The following CDKL4 variants were observed in gnomAD, a reference collection of about 807,000 sequenced individuals.
CDKL4 encodes the protein cyclin dependent kinase like 4.
CDKL4 carries 44 observed loss-of-function variants against 42.0 expected under a neutral mutation model. The observed-to-expected ratio is 1.05, with a 90% confidence interval of 0.82 to 1.35. CDKL4 has a LOEUF of 1.35. CDKL4 is among the 40% of genes most tolerant of loss of function. The probability of loss-of-function intolerance (pLI) is 0.00; values close to 1 mark genes in which losing one functional copy is unlikely to be tolerated. For synonymous variants in CDKL4, 120 were observed against 121.6 expected (o/e 0.99, Z 0.09); for missense variants, 393 against 369.9 (o/e 1.06, Z -0.51).
At chr2:39,184,022 G>C (rs181117130) in intron 8 of CDKL4, among the ~76,000 whole-genome samples, 1 of 152,304 alleles carries the variant, frequency 6.6e-6, no homozygotes, top group East Asian at 1.9e-4. Context: ...ACATGCCAAG[G>C]TCCCACTCAT....
intron 8 of CDKL4, among the ~76,000 whole-genome samples, chr2:39,179,680 C>T (rs1022509926): frequency 3.9e-5 from 6 of 152,150 alleles, no homozygotes; most frequent in African/African-American, 9.7e-5. Flanking sequence ...CCTAGAAATG[C>T]GAAGTCTTGG....
At chr2:39,242,738 A>G (rs1679721839) in intron 1 of CDKL4, among the ~76,000 whole-genome samples, 1 of 152,216 alleles carries the variant, frequency 6.6e-6, no homozygotes, top group Admixed American at 6.5e-5. Flanking sequence ...AGAAAAAAAG[A>G]AGAGTGAAAA....
chr2:39,239,928 A>G (rs943973049), intron 1 of CDKL4, among the ~76,000 whole-genome samples: 1 of 142,658 alleles, frequency 7.0e-6, no homozygotes, highest in African/African-American at 2.6e-5. Context: ...TGTCTCTACT[A>G]AAAATACAAA....
intron 7 of CDKL4, among the ~76,000 whole-genome samples, chr2:39,186,525 A>G (rs945352898): frequency 6.6e-6 from 1 of 152,200 alleles, no homozygotes; most frequent in Non-Finnish European, 1.5e-5. Context: ...CAGGAAGTCA[A>G]TGTCTACAGA....
chr2:39,221,024 G>GT, intron 3 of CDKL4, among the ~76,000 whole-genome samples: 1 of 55,066 alleles, frequency 1.8e-5, no homozygotes, highest in Admixed American at 2.3e-4. Flanking sequence ...TTTTGTTTTT[G>GT]TTTTTTGAGA....
intron 7 of CDKL4, among the ~76,000 whole-genome samples, chr2:39,185,490 G>C (rs541908141): frequency 7.0e-6 from 1 of 142,188 alleles, no homozygotes; most frequent in South Asian, 2.2e-4. Flanking sequence ...TTGAGACAGA[G>C]TCTCTGTCGC....
chr2:39,232,273 C>A (rs549446095), intron 1 of CDKL4, among the ~76,000 whole-genome samples: 32 of 152,270 alleles, frequency 2.1e-4, no homozygotes, highest in Admixed American at 1.8e-3. Flanking sequence ...ACTATATGTT[C>A]ATGGAAAATG....
At chr2:39,238,552 C>G (rs1325841762) in intron 1 of CDKL4, among the ~76,000 whole-genome samples, 1 of 151,890 alleles carries the variant, frequency 6.6e-6, no homozygotes, top group Non-Finnish European at 1.5e-5. Flanking sequence ...CCCAGAATAG[C>G]CAAATCAACT....
chr2:39,178,685 C>G lies in CDKL4; in HGVS notation c.927+502G>C, dbSNP rs554364520. 5.4e-5 allele frequency: 87 copies of G among 1,608,504 alleles called. No individual in the cohort carries two copies. In the African/African-American group the frequency reaches 1.1e-3, roughly 20 times the overall value. ...TGGGTAGAATTTGGTTCCCAGATGT[C>G]TGGGTTTCATTCCTTTGTACCTGGC... On this transcript the variant is annotated intron_variant, in intron 9 of 9. Transcript: ENST00000451199.
At chr2:39,208,714 T>G (rs1677374198) in intron 4 of CDKL4, among the ~76,000 whole-genome samples, 1 of 151,200 alleles carries the variant, frequency 6.6e-6, no homozygotes, top group Non-Finnish European at 1.5e-5. Context: ...TTTTTTTTTT[T>G]TTTTTTTTGG....
chr2:39,222,377 G>GT (rs1377573116), intron 3 of CDKL4, among the ~76,000 whole-genome samples: 2 of 152,086 alleles, frequency 1.3e-5, no homozygotes, highest in Non-Finnish European at 2.9e-5. Context: ...ATCACCTGAG[G>GT]TTAGGAGTTC....
chr2:39,234,894 T>A (rs1370021031), intron 1 of CDKL4, among the ~76,000 whole-genome samples: 5 of 145,668 alleles, frequency 3.4e-5, no homozygotes, highest in African/African-American at 8.4e-5. Context: ...AAAAAAAATT[T>A]TTTTTTTTTT....
chr2:39,202,154 C>T (rs1483801436), intron 5 of CDKL4, among the ~76,000 whole-genome samples: 2 of 152,122 alleles, frequency 1.3e-5, no homozygotes, highest in African/African-American at 4.8e-5. Context: ...ATTGCTTGAA[C>T]CCAGGAAGTG....
chr2:39,241,248 A>C (rs754733409), intron 1 of CDKL4, among the ~76,000 whole-genome samples: 35 of 152,326 alleles, frequency 2.3e-4, no homozygotes, highest in Non-Finnish European at 2.5e-4. Context: ...GGTACAGAAA[A>C]ATTAATATGC....
At chr2:39,229,947 G>A (rs1678993983) in intron 1 of CDKL4, among the ~76,000 whole-genome samples, 1 of 152,222 alleles carries the variant, frequency 6.6e-6, no homozygotes, top group Admixed American at 6.5e-5. Flanking sequence ...GGAATATGCT[G>A]TTTATCTTTT....
At chr2:39,226,560 T>A (rs1678759936) in intron 2 of CDKL4, among the ~76,000 whole-genome samples, 1 of 150,508 alleles carries the variant, frequency 6.6e-6, no homozygotes, top group Non-Finnish European at 1.5e-5. Context: ...TAAATTCTAT[T>A]CCCAAACTGA....
chr2:39,209,960 T>C (rs549770782), intron 4 of CDKL4, among the ~76,000 whole-genome samples: 1 of 152,262 alleles, frequency 6.6e-6, no homozygotes, highest in African/African-American at 2.4e-5. Context: ...GAGAAGTAAT[T>C]TCCATCTTGG....
upstream of CDKL4, among the ~76,000 whole-genome samples, chr2:39,245,630 T>C (rs1489953754): frequency 1.3e-5 from 2 of 152,166 alleles, no homozygotes; most frequent in South Asian, 2.1e-4. Flanking sequence ...TTCCCCTTAA[T>C]ACTGTGATTA....
chr2:39,182,224 C>T (rs913474058), intron 8 of CDKL4, among the ~76,000 whole-genome samples: 6 of 152,130 alleles, frequency 3.9e-5, no homozygotes, highest in African/African-American at 1.4e-4. Flanking sequence ...TGCCTGGGCT[C>T]GAGTGATCCT....
Sources: allele counts gnomAD v4.1 joint callset (sites outside exome capture counted in the v4.1 genomes callset), GRCh38; gene constraint gnomAD v4.1.1; transcripts MANE v1.5; gene names NCBI Gene and HGNC (gene_info 2026-07-23, HGNC 2026-07-21).